The following SLC4A4 variants were observed in gnomAD, a reference collection of about 807,000 sequenced individuals.
SLC4A4 encodes electrogenic sodium bicarbonate cotransporter 1.
In SLC4A4, 27 loss-of-function variants were observed where a neutral mutation model predicts 111.5. The ratio of observed to expected loss-of-function variants is 0.24; its 90% CI spans 0.18 to 0.33. SLC4A4 has a LOEUF of 0.33. Among genes scored for constraint, SLC4A4 ranks in the 10% least tolerant of loss-of-function variants. SLC4A4 has a pLI of 1.00. For synonymous variants in SLC4A4, 443 were observed against 463.4 expected, an observed-to-expected ratio of 0.96 and a Z score of 0.57; for missense variants, 909 against 1,315.5, an observed-to-expected ratio of 0.69 and a Z score of 4.78.
intron 2 of SLC4A4, among the ~76,000 whole-genome samples, chr4:71,145,783 C>T (rs1229115016): frequency 3.3e-5 from 5 of 152,068 alleles, no homozygotes; most frequent in Middle Eastern, 3.2e-3. Flanking sequence ...TCTGTGGGAT[C>T]GGTGGTGATA....
intron 2 of SLC4A4, among the ~76,000 whole-genome samples, chr4:71,242,240 C>A (rs1720304023): frequency 6.6e-6 from 1 of 152,132 alleles, no homozygotes; most frequent in Non-Finnish European, 1.5e-5. Flanking sequence ...TGGCAAGGAT[C>A]CAGAAATTCT....
chr4:71,328,305 T>C (rs992766754), intron 3 of SLC4A4, among the ~76,000 whole-genome samples: 4 of 152,170 alleles, frequency 2.6e-5, no homozygotes, highest in African/African-American at 9.7e-5. Flanking sequence ...AGTACAGATA[T>C]CTCTTTGATA....
chr4:71,229,195 A>G (rs1719239445), intron 1 of SLC4A4, among the ~76,000 whole-genome samples: 1 of 152,190 alleles, frequency 6.6e-6, no homozygotes, highest in Non-Finnish European at 1.5e-5. Flanking sequence ...CACTCAGCAT[A>G]ACCCCCTGGA....
intron 6 of SLC4A4, among the ~76,000 whole-genome samples, chr4:71,383,137 A>G (rs971796869): frequency 2.0e-5 from 3 of 152,122 alleles, no homozygotes; most frequent in African/African-American, 7.2e-5. Flanking sequence ...ACACTGCTTT[A>G]GTAGTAAATA....
At chr4:71,268,599 CAG>C (rs1371125683) in intron 3 of SLC4A4, among the ~76,000 whole-genome samples, 1 of 152,190 alleles carries the variant, frequency 6.6e-6, no homozygotes, top group Admixed American at 6.5e-5. Context: ...CTAAGTACAA[CAG>C]AGTATTTTTG....
At chr4:71,320,175 ATT>A (rs1305822299) in intron 3 of SLC4A4, among the ~76,000 whole-genome samples, 2 of 151,906 alleles carry the variant, frequency 1.3e-5, no homozygotes, top group African/African-American at 2.4e-5. Flanking sequence ...TCTTTAATTC[ATT>A]TTCATATTAC....
chr4:71,309,017 G>A (rs886667319), intron 3 of SLC4A4, among the ~76,000 whole-genome samples: 1 of 152,184 alleles, frequency 6.6e-6, no homozygotes. Context: ...GTCTGAAGTC[G>A]ACCTGGGACG....
chr4:71,500,315 T>C (rs1167498407), intron 16 of SLC4A4, among the ~76,000 whole-genome samples: 1 of 152,224 alleles, frequency 6.6e-6, no homozygotes, highest in African/African-American at 2.4e-5. Context: ...TTGTCTATGT[T>C]TGCTTTTGTT....
At chr4:71,093,056 C>T (rs76499542) in intron 2 of SLC4A4, among the ~76,000 whole-genome samples, 339 of 151,664 alleles carry the variant, frequency 2.2e-3, no homozygotes, top group African/African-American at 7.7e-3. Flanking sequence ...GATCACGCCA[C>T]TGCACTCCAG....
At chr4:71,358,920 G>A (rs956095092) in intron 6 of SLC4A4, among the ~76,000 whole-genome samples, 1 of 152,102 alleles carries the variant, frequency 6.6e-6, no homozygotes, top group Non-Finnish European at 1.5e-5. Context: ...AATATTTGCT[G>A]ATTTAATTCG....
At chr4:71,389,360 C>T (rs1208864718) in intron 6 of SLC4A4, among the ~76,000 whole-genome samples, 1 of 152,188 alleles carries the variant, frequency 6.6e-6, no homozygotes, top group African/African-American at 2.4e-5. Flanking sequence ...ACATTTGCTC[C>T]ACTTTCCAAG....
intron 1 of SLC4A4, among the ~76,000 whole-genome samples, chr4:71,066,545 C>T (rs1248435669): frequency 6.6e-6 from 1 of 152,146 alleles, no homozygotes; most frequent in African/African-American, 2.4e-5. Flanking sequence ...TTGATTCATA[C>T]ATAGCAGAAA....
intron 6 of SLC4A4, among the ~76,000 whole-genome samples, chr4:71,391,364 C>G (rs528893607): frequency 6.6e-6 from 1 of 151,948 alleles, no homozygotes; most frequent in African/African-American, 2.4e-5. Context: ...GTGAGGAGGA[C>G]GTTTATGTGT....
intron 2 of SLC4A4, among the ~76,000 whole-genome samples, chr4:71,148,844 G>T (rs997126654): frequency 6.6e-6 from 1 of 152,082 alleles, no homozygotes; most frequent in African/African-American, 2.4e-5. Flanking sequence ...ATTGTGAATA[G>T]TGTACATATG....
intron 3 of SLC4A4, among the ~76,000 whole-genome samples, chr4:71,300,094 G>T (rs1367525603): frequency 6.6e-6 from 1 of 152,078 alleles, no homozygotes; most frequent in Non-Finnish European, 1.5e-5. Context: ...CCCTTCATCT[G>T]CACATCTGCA....
chr4:71,447,331 GA>G (rs1725327656), intron 8 of SLC4A4, among the ~76,000 whole-genome samples: 1 of 152,124 alleles, frequency 6.6e-6, no homozygotes, highest in Non-Finnish European at 1.5e-5. Context: ...AATGGAGAGA[GA>G]AAAAAAGTTT....
rs572567773 is a variant in SLC4A4, at chr4:71,362,851, T to C, written c.730+5664T>C. On this transcript the variant is annotated intron_variant, in intron 6 of 25. Coordinates refer to ENST00000264485, the MANE Select transcript of SLC4A4 (RefSeq NM_001098484.3). ...GAGAGCGGCTGGCTCCTAGGCTTCT[T>C]GCTGCTTTCCCCATGCCTTCTCCTG... is the stretch of plus-strand genomic sequence containing the variant. 2.4e-4 allele frequency among the ~76,000 whole-genome samples: 36 copies of C among 152,336 alleles called. No individual in the cohort carries two copies. The East Asian group carries it at 5.0e-3, about 21-fold the overall frequency.
At position 71,250,562 on chromosome 4, in the gene SLC4A4, T is replaced by A. The variant is rs182246343; in HGVS notation, c.74-4658T>A. Among the ~76,000 whole-genome samples the A allele has an allele frequency of 3.2e-4, 49 of 152,230 alleles. 1 individual carries two copies. The East Asian group carries it at 9.1e-3, about 28-fold the overall frequency. On this transcript the variant is annotated intron_variant, in intron 2 of 25. Coordinates refer to ENST00000264485, the MANE Select transcript of SLC4A4 (RefSeq NM_001098484.3). Reference sequence around the variant, plus strand: ...AGTACTGACATATCAGGTTAAAAAATTATATACTACCTTATTCCAAAAAGC... The same window carrying A: ...AGTACTGACATATCAGGTTAAAAAAATATATACTACCTTATTCCAAAAAGC...
intron 3 of SLC4A4, among the ~76,000 whole-genome samples, chr4:71,295,591 C>T (rs1427212065): frequency 6.6e-6 from 1 of 152,082 alleles, no homozygotes; most frequent in African/African-American, 2.4e-5. Flanking sequence ...ATCAAAGATG[C>T]TTATTTATTG....
Sources: allele counts gnomAD v4.1 joint callset (sites outside exome capture counted in the v4.1 genomes callset), GRCh38; gene constraint gnomAD v4.1.1; transcripts MANE v1.5; gene names NCBI Gene and HGNC (gene_info 2026-07-23, HGNC 2026-07-21).